The following UTRN variants were observed in gnomAD, a reference collection of about 807,000 sequenced individuals.
UTRN encodes dystrophin-related protein 1.
UTRN carries 283 observed loss-of-function variants against 463.9 expected under a neutral mutation model. That is an observed-to-expected ratio of 0.61 (90% confidence interval 0.55 to 0.67). UTRN has a LOEUF of 0.67. UTRN is among the 30% of genes least tolerant of loss of function. UTRN has a pLI of 0.00. For missense variants in UTRN, 3,922 were observed against 4,084.3 expected, an observed-to-expected ratio of 0.96 and a Z score of 1.08; for synonymous variants, 1,442 against 1,431.5, an observed-to-expected ratio of 1.01 and a Z score of -0.17.
Position 144,438,843 on chromosome 6 carries a change from G to A in UTRN, c.1340G>A (p.Cys447Tyr). The A allele has an allele frequency of 6.2e-7, 1 of 1,614,184 alleles. No homozygotes were observed. Among genetic ancestry groups the A allele is most frequent in the East Asian group, 2.2e-5 (1 of 44,880 alleles). Residue 447 changes from cysteine to tyrosine, a missense_variant, in exon 12 of 75, where the codon TGC becomes TAC. By Grantham distance (194) the Cys-to-Tyr change is radical. This residue lies in a region of UTRN where 2,349 missense variants were observed against 2,303.8 expected (regional missense o/e 1.02). Coordinates refer to ENST00000367545, the MANE Select transcript of UTRN (RefSeq NM_007124.3). Reference sequence around the variant, plus strand: ...GAGCGCATTCAGAAGATGGAAACTTGCCCCCTGGATGATGATGTAAAATCT... The same window carrying A: ...GAGCGCATTCAGAAGATGGAAACTTACCCCCTGGATGATGATGTAAAATCT... ...TEERIQKMET[C>Y]PLDDDVKSLQ... is the part of the protein sequence containing the mutation.
rs1777375594 is a variant in UTRN, at chr6:144,797,993, A to T, written c.9245+3A>T. ...GAATGTCCAATTGTCGGGTTCAGGT[A>T]AGGCGTGCCAGTGCTGGAGGAGGCT... On this transcript the variant is annotated splice_donor_region_variant and intron_variant, in intron 64 of 74. Coordinates refer to ENST00000367545, the MANE Select transcript of UTRN (RefSeq NM_007124.3). The T allele has an allele frequency of 6.2e-7, 1 of 1,613,952 alleles. No homozygotes were observed. The highest frequency in any genetic ancestry group is 8.5e-7 in the Non-Finnish European group (1 of 1,179,982).
intron 43 of UTRN, among the ~76,000 whole-genome samples, chr6:144,537,012 A>G (rs1296170088): frequency 6.6e-6 from 1 of 152,010 alleles, no homozygotes; most frequent in Non-Finnish European, 1.5e-5. Flanking sequence ...TATAATAGTT[A>G]TTTTAATAAA....
At chr6:144,418,952 T>C (rs1784596492) in intron 3 of UTRN, among the ~76,000 whole-genome samples, 1 of 152,208 alleles carries the variant, frequency 6.6e-6, no homozygotes, top group Non-Finnish European at 1.5e-5. Context: ...CCATCATCAG[T>C]ATTTTCTAAG....
intron 19 of UTRN, among the ~76,000 whole-genome samples, chr6:144,454,577 A>G (rs1788639446): frequency 1.3e-5 from 2 of 152,176 alleles, no homozygotes; most frequent in African/African-American, 4.8e-5. Context: ...AGATACCTAT[A>G]CAGAATTAGG....
intron 34 of UTRN, among the ~76,000 whole-genome samples, chr6:144,503,042 A>G (rs1794349318): frequency 6.6e-6 from 1 of 152,200 alleles, no homozygotes; most frequent in Admixed American, 6.5e-5. Flanking sequence ...GGCCACATAA[A>G]TGTCTTCTTT....
At chr6:144,840,633 T>G in intron 72 of UTRN, 107 bp from the exon 73 acceptor site, 2 of 1,219,994 alleles carry the variant, frequency 1.6e-6, no homozygotes, top group South Asian at 1.4e-5. Context: ...TCTTTTCACA[T>G]TGATATTTAG....
At chr6:144,734,056 C>A (rs1416121555) in intron 54 of UTRN, among the ~76,000 whole-genome samples, 2 of 152,206 alleles carry the variant, frequency 1.3e-5, no homozygotes, top group East Asian at 3.9e-4. Flanking sequence ...ATTCTGACTT[C>A]ATATACAACC....
chr6:144,719,251 C>A (rs1418136610), intron 53 of UTRN, among the ~76,000 whole-genome samples: 1 of 152,074 alleles, frequency 6.6e-6, no homozygotes, highest in Non-Finnish European at 1.5e-5. Context: ...ATACTGAGTG[C>A]TAGAATCTAA....
At chr6:144,833,860 T>G (rs574408949) in intron 69 of UTRN, among the ~76,000 whole-genome samples, 1 of 152,308 alleles carries the variant, frequency 6.6e-6, no homozygotes, top group South Asian at 2.1e-4. Context: ...TTACTTCCTA[T>G]GAGGAAAATA....
chr6:144,550,268 G>T (rs1034611866), intron 47 of UTRN, among the ~76,000 whole-genome samples: 2 of 152,156 alleles, frequency 1.3e-5, no homozygotes, highest in Admixed American at 6.5e-5. Context: ...TGACACCAAA[G>T]GAGTAGCTGG....
intron 58 of UTRN, 66 bp from the exon 59 acceptor site, chr6:144,771,841 G>C (rs1010884444): frequency 1.5e-6 from 2 of 1,325,118 alleles, no homozygotes; most frequent in Non-Finnish European, 2.1e-6. Flanking sequence ...TGGGTATTTC[G>C]TTTTTGGCCT....
intron 35 of UTRN, among the ~76,000 whole-genome samples, chr6:144,512,227 A>C (rs971527322): frequency 6.6e-6 from 1 of 152,192 alleles, no homozygotes; most frequent in Non-Finnish European, 1.5e-5. Flanking sequence ...CACATAGAAT[A>C]TGCTCATTAA....
chr6:144,374,664 A>G (rs1436291569), intron 2 of UTRN, among the ~76,000 whole-genome samples: 1 of 150,146 alleles, frequency 6.7e-6, no homozygotes, highest in Admixed American at 6.6e-5. Context: ...TTGTATTTTT[A>G]GTAGAGATGA....
intron 53 of UTRN, among the ~76,000 whole-genome samples, chr6:144,724,663 C>T (rs538539822): frequency 6.6e-6 from 1 of 152,216 alleles, no homozygotes; most frequent in South Asian, 2.1e-4. Context: ...CTGTTTGGGA[C>T]ATTGCATGGT....
rs1465194261 is a variant in UTRN at position 144,678,391 on chromosome 6, C to CT, written c.7480-9dup. The CT allele has an allele frequency of 2.7e-5, 43 of 1,604,610 alleles. No homozygotes were observed. The highest frequency in any genetic ancestry group is 3.5e-5 in the Non-Finnish European group (41 of 1,174,272). ...TCCTAACACTTGCATTATCTATTTG[C>CT]TTTTTTCTGTTTAGGACATCCAGGC... is the stretch of plus-strand genomic sequence containing the variant. On this transcript the variant is annotated splice_polypyrimidine_tract_variant and intron_variant, in intron 51 of 74. Transcript: ENST00000367545.
intron 32 of UTRN, among the ~76,000 whole-genome samples, chr6:144,492,061 A>G (rs895701994): frequency 7.9e-5 from 12 of 152,038 alleles, no homozygotes; most frequent in African/African-American, 2.9e-4. Flanking sequence ...GTACATGTGC[A>G]CGTTTGATAC....
At chr6:144,638,171 C>T (rs1159188099) in intron 51 of UTRN, among the ~76,000 whole-genome samples, 2 of 152,112 alleles carry the variant, frequency 1.3e-5, no homozygotes, top group African/African-American at 2.4e-5. Flanking sequence ...CTAATGAGAG[C>T]ACTGTTTTAA....
intron 54 of UTRN, among the ~76,000 whole-genome samples, chr6:144,742,498 G>C (rs145236988): frequency 2.6e-5 from 4 of 152,142 alleles, no homozygotes; most frequent in African/African-American, 9.7e-5. Flanking sequence ...AAATAGGAGG[G>C]GGGTAAAGAG....
At chr6:144,554,657 A>ATTT (rs58746549) in intron 48 of UTRN, 31 bp from the exon 49 acceptor site, 19 of 1,596,686 alleles carry the variant, frequency 1.2e-5, no homozygotes, top group South Asian at 1.1e-5. Context: ...ACATGTTGGG[A>ATTT]TTTTTTTTTC....
Sources: allele counts gnomAD v4.1 joint callset (sites outside exome capture counted in the v4.1 genomes callset), GRCh38; gene constraint gnomAD v4.1.1; regional missense constraint gnomAD v4.1.1; transcripts MANE v1.5; gene names NCBI Gene and HGNC (gene_info 2026-07-23, HGNC 2026-07-21).